Variants in MSI2 observed in about 807,000 individuals in gnomAD.
The protein encoded by MSI2 is RNA-binding protein Musashi homolog 2.
Under a neutral mutation model 45.6 loss-of-function variants are expected in MSI2, and 17 were observed. The ratio of observed to expected loss-of-function variants is 0.37; its 90% CI spans 0.26 to 0.56. MSI2 has a LOEUF of 0.56. Ranked by LOEUF, MSI2 falls within the 20% of genes least tolerant of loss-of-function variation. MSI2 has a pLI of 0.77. For missense variants in MSI2, 293 were observed against 444.2 expected (o/e 0.66, Z 3.06); for synonymous variants, 156 against 158.2 (o/e 0.99, Z 0.11).
rs185226623 is a variant in MSI2 at position 57,317,672 on chromosome 17, G to A, written c.312+55480G>A. Among the ~76,000 whole-genome samples the A allele has an allele frequency of 5.2e-4, 79 of 151,968 alleles. 1 individual carries two copies. The East Asian group carries it at 7.8e-3, about 15-fold the overall frequency. On this transcript the variant is annotated intron_variant, in intron 5 of 13. Coordinates refer to ENST00000284073, the MANE Select transcript of MSI2 (RefSeq NM_138962.4). ...ACTCCATGTTATAGTTTTGACACACGGAATAGATAGGACAGAAATGAATAT... is the reference window on the plus strand; with the variant it reads ...ACTCCATGTTATAGTTTTGACACACAGAATAGATAGGACAGAAATGAATAT...
chr17:57,502,266 T>C (rs1598340360), intron 6 of MSI2, among the ~76,000 whole-genome samples: 1 of 152,216 alleles, frequency 6.6e-6, no homozygotes, highest in East Asian at 1.9e-4. Context: ...AAAAGATGAG[T>C]TTAACTTTTC....
At chr17:57,621,941 C>T (rs551601049) in intron 9 of MSI2, among the ~76,000 whole-genome samples, 2 of 152,306 alleles carry the variant, frequency 1.3e-5, no homozygotes, top group African/African-American at 4.8e-5. Flanking sequence ...TGCAGTGGCT[C>T]ATGCCTCTAC....
rs192034029 is a variant in MSI2 at position 57,314,640 on chromosome 17, C to T, written c.312+52448C>T. 2.3e-3 allele frequency among the ~76,000 whole-genome samples: 325 copies of T among 138,498 alleles called. 1 individual carries two copies. Among genetic ancestry groups the T allele is most frequent in the African/African-American group, 8.5e-3 (311 of 36,796 alleles). 90.9% of individuals were successfully genotyped at this position (138,498 alleles called of 152,430 possible). ...AGGCTGGAGTGCAGTGGCGCGATCT[C>T]GGCTCACTGCAACCTCCCACTCCCT... On this transcript the variant is annotated intron_variant, in intron 5 of 13. Transcript: ENST00000284073.
At chr17:57,410,894 A>G (rs2084183806) in intron 6 of MSI2, among the ~76,000 whole-genome samples, 1 of 152,230 alleles carries the variant, frequency 6.6e-6, no homozygotes, top group African/African-American at 2.4e-5. Flanking sequence ...TTCTTATGGA[A>G]TGACAAGGGT....
At chr17:57,322,306 G>A (rs561509597) in intron 5 of MSI2, among the ~76,000 whole-genome samples, 1 of 152,218 alleles carries the variant, frequency 6.6e-6, no homozygotes, top group East Asian at 1.9e-4. Context: ...TGTCTGTTTG[G>A]GTGTCCTCTG....
At chr17:57,486,161 C>T (rs965124766) in intron 6 of MSI2, among the ~76,000 whole-genome samples, 2 of 152,192 alleles carry the variant, frequency 1.3e-5, no homozygotes, top group African/African-American at 4.8e-5. Context: ...GTTTTGGCTG[C>T]CTGGTTGGTG....
chr17:57,433,817 T>C (rs2084643358), intron 6 of MSI2, among the ~76,000 whole-genome samples: 1 of 152,262 alleles, frequency 6.6e-6, no homozygotes, highest in African/African-American at 2.4e-5. Context: ...GGTTGTACTG[T>C]TGCGTGTTCC....
At chr17:57,330,797 A>G (rs1302175580) in intron 5 of MSI2, among the ~76,000 whole-genome samples, 1 of 151,942 alleles carries the variant, frequency 6.6e-6, no homozygotes, top group African/African-American at 2.4e-5. Context: ...CTGGGGTGGC[A>G]CCCTGGGGTT....
intron 6 of MSI2, among the ~76,000 whole-genome samples, chr17:57,428,034 G>A (rs2084526863): frequency 6.6e-6 from 1 of 152,118 alleles, no homozygotes; most frequent in African/African-American, 2.4e-5. Flanking sequence ...AGGAAAACAG[G>A]GTGATAGTGG....
rs539079435 is a variant in MSI2, at chr17:57,584,795, T to G, written c.455-12073T>G. ...AAAGATTAATGGATGATTTGGGTTT[T>G]TTTTTTTTTTTAACCTAAATGGATG... On this transcript the variant is annotated intron_variant, in intron 7 of 13. Transcript: ENST00000284073. Among the ~76,000 whole-genome samples, 1,289 of 151,012 alleles carry G rather than the reference T, an allele frequency of 8.5e-3. 78 individuals are homozygous for G. Among genetic ancestry groups the G allele is most frequent in the Admixed American group, 0.08 (1,211 of 15,194 alleles).
chr17:57,639,408 T>G (rs1910078886), intron 10 of MSI2, among the ~76,000 whole-genome samples: 1 of 152,238 alleles, frequency 6.6e-6, no homozygotes, highest in African/African-American at 2.4e-5. Context: ...CTGAGACAGC[T>G]GGACAATAGG....
intron 7 of MSI2, among the ~76,000 whole-genome samples, chr17:57,548,780 G>C (rs757974727): frequency 1.2e-4 from 19 of 152,020 alleles, no homozygotes; most frequent in South Asian, 2.1e-4. Context: ...TGGCCATTCG[G>C]AGTCAGCCCG....
intron 7 of MSI2, among the ~76,000 whole-genome samples, chr17:57,541,833 T>C (rs181502723): frequency 6.6e-6 from 1 of 152,186 alleles, no homozygotes; most frequent in Non-Finnish European, 1.5e-5. Context: ...TTGAAATTTC[T>C]CCCTCAACTT....
intron 7 of MSI2, among the ~76,000 whole-genome samples, chr17:57,543,925 C>T (rs935288646): frequency 1.3e-5 from 2 of 152,190 alleles, no homozygotes; most frequent in African/African-American, 4.8e-5. Flanking sequence ...CATCTAATTA[C>T]ATGTTTTTAT....
chr17:57,489,475 G>T (rs2143796869), intron 6 of MSI2, among the ~76,000 whole-genome samples: 1 of 152,344 alleles, frequency 6.6e-6, no homozygotes, highest in Non-Finnish European at 1.5e-5. Flanking sequence ...ATGGCCCTGG[G>T]GTTCTGACCA....
At position 57,681,337 on chromosome 17, in the gene MSI2, T is replaced by C. The variant is rs1913582633; in HGVS notation, c.*1820T>C. On this transcript the variant is annotated 3_prime_UTR_variant, in exon 14 of 14. Transcript: ENST00000284073. ...TAAAACATATTGTAGTGTGGATATA[T>C]ATTTTTTCTTTTTTAAAATGTGATA... is the stretch of plus-strand genomic sequence containing the variant. 2 of 180,678 alleles carry C rather than the reference T, an allele frequency of 1.1e-5. No homozygotes were observed. The highest frequency in any genetic ancestry group is 1.3e-4 in the Admixed American group (2 of 15,956). 11.2% of individuals were successfully genotyped at this position (180,678 alleles called of 1,614,324 possible).
At chr17:57,623,826 G>A (rs570288460) in intron 9 of MSI2, among the ~76,000 whole-genome samples, 5 of 152,314 alleles carry the variant, frequency 3.3e-5, no homozygotes, top group South Asian at 4.1e-4. Context: ...TGAACCATTC[G>A]AGCAGAGCTG....
chr17:57,689,459 C>T (rs1363237400), downstream of MSI2, among the ~76,000 whole-genome samples: 2 of 152,074 alleles, frequency 1.3e-5, no homozygotes, highest in East Asian at 1.9e-4. Flanking sequence ...TTCATGTAAG[C>T]GCTAAATACA....
chr17:57,287,925 G>A (rs989276534), intron 5 of MSI2, among the ~76,000 whole-genome samples: 1 of 152,202 alleles, frequency 6.6e-6, no homozygotes, highest in Admixed American at 6.5e-5. Flanking sequence ...CAGTAGTGGG[G>A]AGTGTGGGAG....
Sources: gnomAD v4.1 joint callset for allele counts (sites outside exome capture counted in the v4.1 genomes callset) on GRCh38, gnomAD v4.1.1 for gene constraint, MANE v1.5 for transcripts, NCBI Gene and HGNC (gene_info 2026-07-23, HGNC 2026-07-21) for gene names.